ZNF280C: variants seen among roughly 807,000 people sequenced by gnomAD.
ZNF280C encodes the protein zinc finger protein 280C.
In ZNF280C, 14 loss-of-function variants were observed where a neutral mutation model predicts 53.6. That is an observed-to-expected ratio of 0.26 (90% CI 0.17 to 0.41). The LOEUF (loss-of-function observed/expected upper bound fraction) is 0.41, where lower values mean the gene tolerates loss of function less well. Ranked by LOEUF, ZNF280C falls within the 10% of genes least tolerant of loss-of-function variation. The pLI, the probability that ZNF280C is intolerant of heterozygous loss-of-function variation, is 1.00. For missense variants in ZNF280C, 416 were observed against 547.1 expected (o/e 0.76, Z 2.39); for synonymous variants, 203 against 181.1 (o/e 1.12, Z -0.97).
rs145834841 is a variant in ZNF280C, at chrX:130,250,189, C to T, written c.32-3184G>A. The stretch of plus-strand genomic sequence containing the variant: ...CCACTAAACACCCACATCAAAAAGA[C>T]AGATCTCAATTTAACATCCTACCAT... On this transcript the variant is annotated intron_variant, in intron 2 of 18. Coordinates refer to ENST00000370978, the MANE Select transcript of ZNF280C (RefSeq NM_017666.5). Among the ~76,000 whole-genome samples the T allele has an allele frequency of 7.6e-3, 849 of 111,534 alleles. 8 individuals are homozygous for T. The highest frequency in any genetic ancestry group is 0.026 in the African/African-American group (814 of 30,762).
intron 10 of ZNF280C, 87 bp from the exon 11 acceptor site, chrX:130,227,869 T>C: frequency 7.9e-6 from 4 of 503,818 alleles, no homozygotes; most frequent in Non-Finnish European, 6.8e-6. Context: ...GTAATAATAA[T>C]AGTAGAAGTA....
intron 2 of ZNF280C, among the ~76,000 whole-genome samples, chrX:130,251,305 A>AAAAAAAAAAAAAAAAAAACAAAC: frequency 9.6e-6 from 1 of 103,792 alleles, no homozygotes; most frequent in African/African-American, 3.5e-5. Flanking sequence ...AAAAAAAAAA[A>AAAAAAAAAAAAAAAAAAACAAAC]AAGACCAGCA....
At chrX:130,247,816 G>A (rs929635389) in intron 2 of ZNF280C, among the ~76,000 whole-genome samples, 11 of 110,231 alleles carry the variant, frequency 1.0e-4, no homozygotes, top group Non-Finnish European at 1.1e-4. Flanking sequence ...ATCAGGCACA[G>A]GGCAAAGCAG....
intron 14 of ZNF280C, 52 bp downstream of exon 14, chrX:130,215,734 ATAAAT>A: frequency 9.6e-7 from 1 of 1,038,254 alleles, no homozygotes; most frequent in Non-Finnish European, 1.3e-6. Flanking sequence ...TTATGATATG[ATAAAT>A]TATATACATA....
intron 8 of ZNF280C, among the ~76,000 whole-genome samples, chrX:130,235,694 G>A (rs899738671): frequency 2.7e-5 from 3 of 112,161 alleles, no homozygotes; most frequent in African/African-American, 6.5e-5. Flanking sequence ...ATTACCTCGA[G>A]TATTTACCAT....
chrX:130,216,156 T>C (rs142996022), intron 13 of ZNF280C, 55 bp from the exon 14 acceptor site: 10 of 1,018,910 alleles, frequency 9.8e-6, no homozygotes, highest in East Asian at 3.1e-5. Flanking sequence ...GCATTAGTAT[T>C]AAAAATATCA....
At chrX:130,234,215 A>C (rs1038831719) in intron 8 of ZNF280C, among the ~76,000 whole-genome samples, 1 of 112,409 alleles carries the variant, frequency 8.9e-6, no homozygotes, top group African/African-American at 3.2e-5. Context: ...TAAGCAAAGA[A>C]TATAACAGGC....
At chrX:130,250,112 A>C (rs1280265671) in intron 2 of ZNF280C, among the ~76,000 whole-genome samples, 1 of 112,188 alleles carries the variant, frequency 8.9e-6, no homozygotes, top group Non-Finnish European at 1.9e-5. Context: ...GAGAAAAAAG[A>C]ATGAAAAGGA....
chrX:130,228,870 TACAAAGTCTACTTCTTA>T, intron 10 of ZNF280C, 90 bp downstream of exon 10: 3 of 810,006 alleles, frequency 3.7e-6, no homozygotes, highest in Non-Finnish European at 3.4e-6. Context: ...GCCCTCATAT[TACAAAGTCTACTTCTTA>T]TTTTTTTCTG....
Position 130,264,695 on chromosome X carries a change from G to A in ZNF280C, c.-17+4067C>T, listed in dbSNP as rs761132944. Reference sequence around the variant, plus strand: ...TATATTATATATATAGTATATATCAGTAGGTATGAAAAACTCAATAGAAGT... The same window carrying A: ...TATATTATATATATAGTATATATCAATAGGTATGAAAAACTCAATAGAAGT... On this transcript the variant is annotated intron_variant, in intron 1 of 18. Transcript: ENST00000370978. Among the ~76,000 whole-genome samples the A allele has an allele frequency of 6.1e-4, 68 of 110,669 alleles. 3 individuals are homozygous for A. In the Admixed American group the frequency reaches 6.6e-3, roughly 11 times the overall value.
At chrX:130,211,319 G>C (rs1216837638) in intron 15 of ZNF280C, among the ~76,000 whole-genome samples, 1 of 112,263 alleles carries the variant, frequency 8.9e-6, no homozygotes, top group Non-Finnish European at 1.9e-5. Context: ...CGAGAGGAAG[G>C]AGAGGGGCAT....
At chrX:130,212,250 T>G (rs1216303248) in intron 15 of ZNF280C, among the ~76,000 whole-genome samples, 1 of 111,893 alleles carries the variant, frequency 8.9e-6, no homozygotes, top group Non-Finnish European at 1.9e-5. Flanking sequence ...TGAATCCTAG[T>G]TAGAAACAAA....
chrX:130,212,349 C>T (rs1237644276), intron 15 of ZNF280C, among the ~76,000 whole-genome samples: 1 of 109,857 alleles, frequency 9.1e-6, no homozygotes, highest in Non-Finnish European at 1.9e-5. Flanking sequence ...GGTTAAGGTA[C>T]CAAGAAAGGG....
chrX:130,206,927 G>C (rs2031982467), intron 16 of ZNF280C, among the ~76,000 whole-genome samples: 1 of 112,021 alleles, frequency 8.9e-6, no homozygotes. Context: ...CAGTCTGAGG[G>C]TTTTAGACAT....
At chrX:130,245,385 G>T (rs1338396551) in intron 3 of ZNF280C, among the ~76,000 whole-genome samples, 2 of 111,485 alleles carry the variant, frequency 1.8e-5, no homozygotes, top group African/African-American at 6.5e-5. Context: ...AATAATAAGA[G>T]AATATTCTAT....
rs767105137 is a variant in ZNF280C at position 130,223,715 on chromosome X, T to TA, written c.1395+3043dup. Among the ~76,000 whole-genome samples, 136 of 112,171 alleles carry TA rather than the reference T, an allele frequency of 1.2e-3. 1 individual carries two copies. In the South Asian group the frequency reaches 0.013, roughly 10 times the overall value. On this transcript the variant is annotated intron_variant, in intron 12 of 18. Transcript: ENST00000370978. ...ACATGTGGAGTCTTTCGTCCTTTGT[T>TA]AAAAAATGTATAAACTGCATTGCTA... is the stretch of plus-strand genomic sequence containing the variant.
chrX:130,251,739 A>C (rs1442007877), intron 2 of ZNF280C, among the ~76,000 whole-genome samples: 1 of 108,795 alleles, frequency 9.2e-6, no homozygotes, highest in African/African-American at 3.4e-5. Flanking sequence ...CAGTGAACTG[A>C]GATCGAAACA....
At chrX:130,267,855 T>C (rs1272488877) in intron 1 of ZNF280C, among the ~76,000 whole-genome samples, 1 of 111,582 alleles carries the variant, frequency 9.0e-6, no homozygotes, top group Admixed American at 9.5e-5. Context: ...CTGAAAACAA[T>C]AGTAAAAAAA....
At chrX:130,220,543 G>T in intron 12 of ZNF280C, 63 bp from the exon 13 acceptor site, 1 of 1,025,068 alleles carries the variant, frequency 9.8e-7, no homozygotes, top group Non-Finnish European at 1.3e-6. Flanking sequence ...AGCTGAAATT[G>T]CTCTTAATTC....
Sources: gnomAD v4.1 joint callset for allele counts (sites outside exome capture counted in the v4.1 genomes callset) on GRCh38, gnomAD v4.1.1 for gene constraint, MANE v1.5 for transcripts, NCBI Gene and HGNC (gene_info 2026-07-23, HGNC 2026-07-21) for gene names.